Variants in ARHGAP10 observed in about 807,000 individuals in gnomAD.
ARHGAP10 encodes the protein rho GTPase-activating protein 10.
A neutral mutation model predicts 108.6 loss-of-function variants in ARHGAP10; 87 were observed. The observed-to-expected ratio is 0.80, with a 90% CI of 0.67 to 0.96. The LOEUF (loss-of-function observed/expected upper bound fraction) is 0.96. Among genes scored for constraint, ARHGAP10 ranks in the 40% least tolerant of loss-of-function variants. The pLI is 0.00. For synonymous variants in ARHGAP10, 347 were observed against 341.1 expected (o/e 1.02, Z -0.19); for missense variants, 939 against 954.5 (o/e 0.98, Z 0.21).
chr4:147,835,341 T>G (rs781473117), intron 3 of ARHGAP10, among the ~76,000 whole-genome samples: 4 of 152,200 alleles, frequency 2.6e-5, no homozygotes, highest in African/African-American at 9.6e-5. Flanking sequence ...AGCCATTCTT[T>G]TCTGAATGTT....
chr4:147,768,639 T>C (rs1300508898), intron 1 of ARHGAP10, among the ~76,000 whole-genome samples: 1 of 152,136 alleles, frequency 6.6e-6, no homozygotes, highest in Non-Finnish European at 1.5e-5. Context: ...AAAGTAGAAA[T>C]GGATGGTAGA....
At chr4:147,906,579 G>C in intron 10 of ARHGAP10, 59 bp from the exon 11 acceptor site, 1 of 1,566,948 alleles carries the variant, frequency 6.4e-7, no homozygotes, top group Non-Finnish European at 8.8e-7. Context: ...TTAAATCTTA[G>C]GAAAAACTTG....
At chr4:147,741,786 ACACACG>A (rs1309409165) in intron 1 of ARHGAP10, among the ~76,000 whole-genome samples, 1,489 of 19,950 alleles carry the variant, frequency 0.075, 12 homozygotes, top group South Asian at 0.15. Context: ...ACACACACAC[ACACACG>A]CACACACACA....
At chr4:147,991,620 C>T (rs1013597380) in intron 18 of ARHGAP10, among the ~76,000 whole-genome samples, 8 of 152,212 alleles carry the variant, frequency 5.3e-5, no homozygotes, top group African/African-American at 1.9e-4. Context: ...AGCATGACAA[C>T]TGCACATGCA....
intron 13 of ARHGAP10, among the ~76,000 whole-genome samples, chr4:147,919,127 A>G (rs1197789044): frequency 6.6e-6 from 1 of 152,238 alleles, no homozygotes; most frequent in Non-Finnish European, 1.5e-5. Flanking sequence ...ATATTATTGC[A>G]GTATTTGCAA....
intron 22 of ARHGAP10, among the ~76,000 whole-genome samples, chr4:148,070,977 C>A (rs995128002): frequency 5.9e-5 from 9 of 152,288 alleles, no homozygotes; most frequent in African/African-American, 2.2e-4. Flanking sequence ...TTGAGTATCA[C>A]GTGAATATTT....
chr4:147,825,012 G>A (rs1333567195), intron 3 of ARHGAP10, among the ~76,000 whole-genome samples: 1 of 152,150 alleles, frequency 6.6e-6, no homozygotes, highest in African/African-American at 2.4e-5. Context: ...GGTAGAGCTG[G>A]TATGTGTTAA....
At chr4:148,034,069 A>G (rs879444909) in intron 19 of ARHGAP10, among the ~76,000 whole-genome samples, 2 of 152,298 alleles carry the variant, frequency 1.3e-5, no homozygotes, top group Non-Finnish European at 2.9e-5. Flanking sequence ...AATTTGGACA[A>G]TAAAACTTTG....
rs564129615 is a variant in ARHGAP10, at chr4:147,778,146, A to G, written c.155-44581A>G. Among the ~76,000 whole-genome samples, 4 of 152,308 alleles carry G rather than the reference A, an allele frequency of 2.6e-5. No individual in the cohort carries two copies. In the East Asian group the frequency reaches 5.8e-4, roughly 22 times the overall value. ...TGTCGGTTTAGCGCTGAGAGGAGCAAAATGATTTGAAATAGATGGCATTTT... is the reference window on the plus strand; with the variant it reads ...TGTCGGTTTAGCGCTGAGAGGAGCAGAATGATTTGAAATAGATGGCATTTT... On this transcript the variant is annotated intron_variant, in intron 1 of 22. Coordinates refer to ENST00000336498, the MANE Select transcript of ARHGAP10 (RefSeq NM_024605.4).
intron 18 of ARHGAP10, among the ~76,000 whole-genome samples, chr4:147,976,541 G>GTT (rs56763356): frequency 1.5e-4 from 21 of 140,438 alleles, no homozygotes; most frequent in East Asian, 4.1e-4. Context: ...TTTGTGTGTG[G>GTT]TTTTTTTTTT....
chr4:147,919,773 GT>G (rs1479310202), intron 13 of ARHGAP10, among the ~76,000 whole-genome samples: 2 of 151,950 alleles, frequency 1.3e-5, no homozygotes, highest in Non-Finnish European at 2.9e-5. Flanking sequence ...TAGAGGTGGT[GT>G]TTCACCATGT....
chr4:147,805,941 T>G (rs1000729470), intron 1 of ARHGAP10, among the ~76,000 whole-genome samples: 6 of 152,234 alleles, frequency 3.9e-5, no homozygotes, highest in Non-Finnish European at 7.3e-5. Context: ...AATTTAAGAT[T>G]ATTTACTCTC....
intron 3 of ARHGAP10, among the ~76,000 whole-genome samples, chr4:147,828,917 G>A (rs1002927015): frequency 5.0e-5 from 7 of 140,998 alleles, no homozygotes; most frequent in Non-Finnish European, 1.1e-4. Context: ...CGTTCTTGTT[G>A]CCCAGGCTGG....
At chr4:148,059,434 G>A (rs1005427387) in intron 20 of ARHGAP10, among the ~76,000 whole-genome samples, 2 of 152,144 alleles carry the variant, frequency 1.3e-5, no homozygotes, top group East Asian at 1.9e-4. Flanking sequence ...TCAAAAATCC[G>A]TAGTTAAAGG....
intron 16 of ARHGAP10, 57 bp downstream of exon 16, chr4:147,955,431 C>G: frequency 6.9e-7 from 1 of 1,441,870 alleles, no homozygotes; most frequent in Non-Finnish European, 9.5e-7. Context: ...TGAGCATAAA[C>G]GAAAAATTTC....
intron 10 of ARHGAP10, among the ~76,000 whole-genome samples, chr4:147,898,529 C>T (rs991118073): frequency 3.3e-5 from 5 of 151,854 alleles, no homozygotes; most frequent in South Asian, 4.2e-4. Flanking sequence ...TCTTACTGCC[C>T]GGTTTAGAAA....
chr4:147,931,202 T>C (rs539022905), intron 13 of ARHGAP10, among the ~76,000 whole-genome samples: 1 of 152,200 alleles, frequency 6.6e-6, no homozygotes, highest in South Asian at 2.1e-4. Context: ...TTTTACCTTA[T>C]CCATTTTGCC....
chr4:147,763,446 G>A (rs1729668085), intron 1 of ARHGAP10, among the ~76,000 whole-genome samples: 1 of 151,906 alleles, frequency 6.6e-6, no homozygotes, highest in African/African-American at 2.4e-5. Context: ...CGAGTAGCTG[G>A]GACTATAGGC....
intron 20 of ARHGAP10, among the ~76,000 whole-genome samples, chr4:148,055,050 A>C (rs757201219): frequency 7.9e-5 from 12 of 152,216 alleles, no homozygotes; most frequent in Non-Finnish European, 1.5e-4. Context: ...TAGCAAGCTA[A>C]AGTTCAGCCC....
Sources: allele counts gnomAD v4.1 joint callset (sites outside exome capture counted in the v4.1 genomes callset), GRCh38; gene constraint gnomAD v4.1.1; transcripts MANE v1.5; gene names NCBI Gene and HGNC (gene_info 2026-07-23, HGNC 2026-07-21).